The following PPP6R2 variants were observed in gnomAD, a reference collection of about 807,000 sequenced individuals.
PPP6R2 encodes serine/threonine-protein phosphatase 6 regulatory subunit 2.
A neutral mutation model predicts 100.2 loss-of-function variants in PPP6R2; 62 were observed. The observed-to-expected ratio is 0.62, with a 90% CI of 0.50 to 0.76. The LOEUF is 0.76. Ranked by LOEUF, PPP6R2 falls within the 30% of genes least tolerant of loss-of-function variation. The pLI is 0.00. For missense variants in PPP6R2, 1,142 were observed against 1,276.3 expected (o/e 0.89, Z 1.60); for synonymous variants, 525 against 514.7 (o/e 1.02, Z -0.27).
At chr22:50,348,366 G>A (rs28401210) in intron 1 of PPP6R2, among the ~76,000 whole-genome samples, 32,839 of 151,964 alleles carry the variant, frequency 0.22, 5,162 homozygotes, top group African/African-American at 0.44. Context: ...TTGGTGGTGG[G>A]TTTAGGGAGA....
chr22:50,356,513 G>A (rs1370012597), intron 1 of PPP6R2, among the ~76,000 whole-genome samples: 1 of 151,844 alleles, frequency 6.6e-6, no homozygotes, highest in African/African-American at 2.4e-5. Flanking sequence ...TGCCACGTTG[G>A]CCAGGCTGGT....
intron 1 of PPP6R2, among the ~76,000 whole-genome samples, chr22:50,370,040 C>CGCCTGGCCACGCTATGTTTTAA (rs1271412087): frequency 7.1e-6 from 1 of 140,982 alleles, no homozygotes; most frequent in African/African-American, 3.0e-5. Context: ...TGAGCCACCA[C>CGCCTGGCCACGCTATGTTTTAA]ATCCCACCTT....
chr22:50,441,875 AG>A (rs774385909), intron 22 of PPP6R2, among the ~76,000 whole-genome samples: 73 of 152,148 alleles, frequency 4.8e-4, no homozygotes, highest in Non-Finnish European at 1.0e-3. Context: ...GGTAGATGCC[AG>A]GGCCAGGTAA....
intron 1 of PPP6R2, among the ~76,000 whole-genome samples, chr22:50,358,148 GTC>G (rs1196261081): frequency 6.6e-6 from 1 of 151,912 alleles, no homozygotes; most frequent in Non-Finnish European, 1.5e-5. Context: ...AGAGATGGGG[GTC>G]TCTCTGCGTA....
chr22:50,369,013 C>T (rs1046114292), intron 1 of PPP6R2, among the ~76,000 whole-genome samples: 17 of 152,044 alleles, frequency 1.1e-4, no homozygotes, highest in Admixed American at 2.6e-4. Context: ...CCGAGGTGGG[C>T]GGATCAGCTG....
chr22:50,387,654 T>C (rs1305923280), intron 2 of PPP6R2, among the ~76,000 whole-genome samples: 1 of 152,190 alleles, frequency 6.6e-6, no homozygotes, highest in Non-Finnish European at 1.5e-5. Flanking sequence ...TTGTAACACT[T>C]GCTGATTTCC....
At chr22:50,396,494 CA>C (rs548563660) in intron 3 of PPP6R2, among the ~76,000 whole-genome samples, 35,898 of 97,042 alleles carry the variant, frequency 0.37, 3,989 homozygotes, top group South Asian at 0.44. Context: ...GACTCCGTCT[CA>C]AAAAAAAAAA....
Position 50,434,947 on chromosome 22 carries a change from T to C in PPP6R2, c.1401-19T>C. 6.3e-7 allele frequency: 1 copy of C among 1,594,366 alleles called. No homozygotes were observed. The highest frequency in any genetic ancestry group is 1.3e-5 in the African/African-American group (1 of 74,776). On this transcript the variant is annotated intron_variant, in intron 12 of 23. Coordinates refer to ENST00000612753, the MANE Select transcript of PPP6R2 (RefSeq NM_001242898.2). ...GGTCGGGGCCAGGAGGCCGCCCCGATGGTGCCTGTTGCTTTCAGGGCAGCG... is the reference window on the plus strand; with the variant it reads ...GGTCGGGGCCAGGAGGCCGCCCCGACGGTGCCTGTTGCTTTCAGGGCAGCG...
At chr22:50,351,626 T>C (rs2045285161) in intron 1 of PPP6R2, among the ~76,000 whole-genome samples, 1 of 151,952 alleles carries the variant, frequency 6.6e-6, no homozygotes, top group Non-Finnish European at 1.5e-5. Context: ...TTTGCTGTTT[T>C]GTTTTTGTTT....
At chr22:50,352,619 G>A (rs998592470) in intron 1 of PPP6R2, among the ~76,000 whole-genome samples, 9 of 151,948 alleles carry the variant, frequency 5.9e-5, no homozygotes, top group African/African-American at 2.2e-4. Context: ...CAGCTACTCG[G>A]GAGGCTGAAG....
upstream of PPP6R2, among the ~76,000 whole-genome samples, chr22:50,338,408 G>C (rs1453901240): frequency 7.2e-6 from 1 of 139,394 alleles, no homozygotes; most frequent in African/African-American, 2.8e-5. Flanking sequence ...GGTGTGTGTG[G>C]TATGTGTGTG....
intron 1 of PPP6R2, among the ~76,000 whole-genome samples, chr22:50,369,808 T>C (rs886234019): frequency 6.6e-6 from 1 of 151,814 alleles, no homozygotes; most frequent in Non-Finnish European, 1.5e-5. Context: ...GCCTGACCTT[T>C]CACTGCAGCC....
chr22:50,396,411 C>A (rs2056879169), intron 3 of PPP6R2, among the ~76,000 whole-genome samples: 1 of 150,790 alleles, frequency 6.6e-6, no homozygotes, highest in African/African-American at 2.4e-5. Flanking sequence ...AGGAGAATTG[C>A]TTGAACCTGG....
intron 3 of PPP6R2, among the ~76,000 whole-genome samples, chr22:50,396,972 T>C (rs912588258): frequency 1.3e-5 from 2 of 152,146 alleles, no homozygotes; most frequent in African/African-American, 2.4e-5. Flanking sequence ...TGTGGCCCAG[T>C]CTGGTGACAA....
chr22:50,432,522 C>T (rs571992555), intron 12 of PPP6R2, among the ~76,000 whole-genome samples, 193 bp downstream of exon 12: 2 of 152,266 alleles, frequency 1.3e-5, no homozygotes, highest in Admixed American at 6.5e-5. Flanking sequence ...GCAAATGCTA[C>T]TTGGGGAGGG....
intron 2 of PPP6R2, among the ~76,000 whole-genome samples, chr22:50,381,267 TCACCTCAGCACCACACGGGCCC>T (rs2052884989): frequency 3.7e-5 from 2 of 54,190 alleles, no homozygotes; most frequent in African/African-American, 1.3e-4. Flanking sequence ...CACACGGGCC[TCACCTCAGCACCACACGGGCCC>T]CACCTCAGCA....
intron 3 of PPP6R2, among the ~76,000 whole-genome samples, chr22:50,404,547 C>G (rs1048580534): frequency 6.6e-6 from 1 of 151,914 alleles, no homozygotes; most frequent in African/African-American, 2.4e-5. Flanking sequence ...TCCCATGTAG[C>G]TGAGACCACA....
chr22:50,372,428 A>G (rs1267489855), intron 2 of PPP6R2, among the ~76,000 whole-genome samples: 2 of 151,990 alleles, frequency 1.3e-5, no homozygotes, highest in Non-Finnish European at 2.9e-5. Flanking sequence ...GTGTACCTGT[A>G]ATCCCAGCTA....
chr22:50,443,719 C>A, intron 22 of PPP6R2, 147 bp from the exon 23 acceptor site: 4 of 1,178,174 alleles, frequency 3.4e-6, no homozygotes, highest in Non-Finnish European at 4.6e-6. Flanking sequence ...ACAACCTGGG[C>A]CACCCCACAA....
Sources: allele counts gnomAD v4.1 joint callset (sites outside exome capture counted in the v4.1 genomes callset), GRCh38; gene constraint gnomAD v4.1.1; transcripts MANE v1.5; gene names NCBI Gene and HGNC (gene_info 2026-07-23, HGNC 2026-07-21).